Variants in NUDT4 observed in about 807,000 individuals in gnomAD.
NUDT4 encodes diphosphoinositol polyphosphate phosphohydrolase 2.
NUDT4 carries 5 observed loss-of-function variants against 23.1 expected under a neutral mutation model. The ratio of observed to expected loss-of-function variants is 0.22; its 90% CI spans 0.11 to 0.46. The LOEUF (loss-of-function observed/expected upper bound fraction) is 0.46, where lower values mean the gene tolerates loss of function less well. NUDT4 is among the 20% of genes least tolerant of loss of function. The pLI is 0.99. For synonymous variants in NUDT4, 50 were observed against 79.0 expected (o/e 0.63, Z 1.95); for missense variants, 96 against 211.6 (o/e 0.45, Z 3.39).
intron 1 of NUDT4, among the ~76,000 whole-genome samples, chr12:93,384,644 T>C (rs557990327): frequency 1.3e-5 from 2 of 152,362 alleles, no homozygotes; most frequent in African/African-American, 4.8e-5. Context: ...CAAAACCATC[T>C]TGGACTGCAT....
Position 93,405,881 on chromosome 12 carries a change from T to G in NUDT4, c.*6502T>G, listed in dbSNP as rs1441309308. The G allele has an allele frequency of 1.3e-5, 2 of 152,178 alleles. No homozygotes were observed. Among genetic ancestry groups the G allele is most frequent in the Non-Finnish European group, 2.9e-5 (2 of 68,014 alleles). The allele number at this position is 152,178 out of a possible 1,614,324, so 9.4% of individuals were successfully genotyped here. ...AATGAAATATTACATTTTTCTTAAA[T>G]AAAGCAATAAATTAGGTACCCTATT... On this transcript the variant is annotated 3_prime_UTR_variant, in exon 5 of 5. Coordinates refer to ENST00000415493, the MANE Select transcript of NUDT4 (RefSeq NM_019094.6).
At position 93,403,647 on chromosome 12, in the gene NUDT4, T is replaced by A. The variant is rs1405885909; in HGVS notation, c.*4268T>A. On this transcript the variant is annotated 3_prime_UTR_variant, in exon 5 of 5. Coordinates refer to ENST00000415493, the MANE Select transcript of NUDT4 (RefSeq NM_019094.6). The stretch of plus-strand genomic sequence containing the variant: ...CTTGGTGTTTTTACATCCTTCAGTA[T>A]TTTTCAAGGTTTTACAGCTTTTTTA... 6.6e-6 allele frequency: 1 copy of A among 152,154 alleles called. No individual in the cohort carries two copies. Among genetic ancestry groups the A allele is most frequent in the African/African-American group, 2.4e-5 (1 of 41,432 alleles). 9.4% of individuals were successfully genotyped at this position (152,154 alleles called of 1,614,324 possible). A position where few individuals can be genotyped will look rare whatever the true frequency, so the allele number is the denominator to read the frequency against.
Position 93,394,637 on chromosome 12 carries a change from C to T in NUDT4, c.128C>T (p.Pro43Leu). The T allele has an allele frequency of 6.4e-7, 1 of 1,554,474 alleles. No individual in the cohort carries two copies. ...EVLLVSSSRY[P>L]DQWIVPGGGM... The stretch of plus-strand genomic sequence containing the variant: ...CTGCTGGTGAGTAGCAGCCGGTACC[C>T]AGACCAGTGGATTGTCCCAGGAGGA... Residue 43 changes from proline (P) to leucine (L), a missense_variant, in exon 2 of 5, where the codon CCA (proline) becomes CTA (leucine). Pro to Leu is a moderately conservative substitution (Grantham distance 98, BLOSUM62 -3). Coordinates refer to ENST00000415493, the MANE Select transcript of NUDT4 (RefSeq NM_019094.6).
At chr12:93,395,644 G>A in intron 3 of NUDT4, 111 bp downstream of exon 3, 1 of 835,452 alleles carries the variant, frequency 1.2e-6, no homozygotes, top group Non-Finnish European at 2.0e-6. Context: ...CAGACTAGCA[G>A]TAGGCAGTCA....
At chr12:93,392,243 T>TC (rs377016882) in intron 1 of NUDT4, among the ~76,000 whole-genome samples, 9,260 of 118,258 alleles carry the variant, frequency 0.078, 555 homozygotes, top group East Asian at 0.17. Flanking sequence ...TTCCTTTGTT[T>TC]CCCCCCCCCC....
At chr12:93,381,604 T>A (rs1875665279) in intron 1 of NUDT4, among the ~76,000 whole-genome samples, 1 of 152,140 alleles carries the variant, frequency 6.6e-6, no homozygotes, top group Non-Finnish European at 1.5e-5. Context: ...TCAGATCCAA[T>A]GTGAGTCATT....
intron 4 of NUDT4, 31 bp from the exon 5 acceptor site, chr12:93,399,146 G>A (rs758343713): frequency 1.4e-5 from 22 of 1,538,098 alleles, no homozygotes; most frequent in Middle Eastern, 3.4e-4. Context: ...AAAATGGACT[G>A]TCTTGTAACC....
intron 1 of NUDT4, among the ~76,000 whole-genome samples, chr12:93,391,490 G>A (rs1481626709): frequency 6.6e-6 from 1 of 151,902 alleles, no homozygotes; most frequent in South Asian, 2.1e-4. Context: ...ACTTGAACCC[G>A]GGAGGCAGAG....
At chr12:93,391,367 T>A (rs1876486715) in intron 1 of NUDT4, among the ~76,000 whole-genome samples, 1 of 151,478 alleles carries the variant, frequency 6.6e-6, no homozygotes, top group Non-Finnish European at 1.5e-5. Flanking sequence ...GAGTTTGAGA[T>A]CAGTCTGGCC....
intron 1 of NUDT4, among the ~76,000 whole-genome samples, chr12:93,381,914 G>A (rs1875687045): frequency 6.6e-6 from 1 of 152,182 alleles, no homozygotes; most frequent in Admixed American, 6.5e-5. Flanking sequence ...GATCCTGTGT[G>A]AAATCCAGAC....
At chr12:93,380,397 A>G (rs1875573304) in intron 1 of NUDT4, among the ~76,000 whole-genome samples, 1 of 152,244 alleles carries the variant, frequency 6.6e-6, no homozygotes, top group African/African-American at 2.4e-5. Context: ...TATTATTTCT[A>G]CTGAAATAAA....
rs1046054350 is a variant in NUDT4, at chr12:93,406,273, G to A, written c.*6894G>A. The A allele has an allele frequency of 9.5e-5, 3 of 31,474 alleles. No individual in the cohort carries two copies. The highest frequency in any genetic ancestry group is 6.5e-4 in the Admixed American group (1 of 1,542). The allele number at this position is 31,474 out of a possible 1,614,324, so 1.9% of individuals were successfully genotyped here. A position where few individuals can be genotyped will look rare whatever the true frequency, so the allele number is the denominator to read the frequency against. ...ACAGAGCTAGAAAGTGGCTAGAGCA[G>A]CCAAAAAAAAAAAAAAAAAAAAAAA... On this transcript the variant is annotated 3_prime_UTR_variant, in exon 5 of 5. Transcript: ENST00000415493.
At chr12:93,380,494 G>T (rs538635958) in intron 1 of NUDT4, among the ~76,000 whole-genome samples, 14 of 152,300 alleles carry the variant, frequency 9.2e-5, no homozygotes, top group Admixed American at 9.2e-4. Flanking sequence ...GAATGTATTA[G>T]AAAAATCCAT....
At position 93,404,170 on chromosome 12, in the gene NUDT4, T is replaced by G. The variant is rs1414221445; in HGVS notation, c.*4791T>G. The G allele has an allele frequency of 1.3e-5, 2 of 152,186 alleles. No individual in the cohort carries two copies. The highest frequency in any genetic ancestry group is 4.8e-5 in the African/African-American group (2 of 41,434). The allele number at this position is 152,186 out of a possible 1,614,324, so 9.4% of individuals were successfully genotyped here. On this transcript the variant is annotated 3_prime_UTR_variant, in exon 5 of 5. Transcript: ENST00000415493. ...ATTTGGCCATCATTATTTATCAACC[T>G]TAAGAAACATGCCTATTGACGAAGT... is the stretch of plus-strand genomic sequence containing the variant.
rs1053657147 is a variant in NUDT4 at position 93,382,708 on chromosome 12, G to A, written c.99+4287G>A. 2.5e-4 allele frequency among the ~76,000 whole-genome samples: 27 copies of A among 108,492 alleles called. No individual in the cohort carries two copies. The South Asian group carries it at 5.4e-3, about 22-fold the overall frequency. 71.2% of individuals were successfully genotyped at this position (108,492 alleles called of 152,430 possible). A position where few individuals can be genotyped will look rare whatever the true frequency, so the allele number is the denominator to read the frequency against. On this transcript the variant is annotated intron_variant, in intron 1 of 4. Transcript: ENST00000415493. ...TTTTTTTTTTTTGAGACAGAGTCTC[G>A]CTCTGTCCTCCAGGCTGGAGTGCAG...
At chr12:93,394,234 C>T (rs185807127) in intron 1 of NUDT4, among the ~76,000 whole-genome samples, 3 of 152,302 alleles carry the variant, frequency 2.0e-5, no homozygotes, top group Non-Finnish European at 4.4e-5. Context: ...GATCTCCTGA[C>T]CTCTTGATCC....
Position 93,401,922 on chromosome 12 carries a change from ATTTTTT to A in NUDT4, c.*2556_*2561del, listed in dbSNP as rs746372735. 1.1e-5 allele frequency: 1 copy of A among 92,734 alleles called. No individual in the cohort carries two copies. Among genetic ancestry groups the A allele is most frequent in the African/African-American group, 3.7e-5 (1 of 27,114 alleles). 5.7% of individuals were successfully genotyped at this position (92,734 alleles called of 1,614,324 possible). On this transcript the variant is annotated 3_prime_UTR_variant, in exon 5 of 5. Coordinates refer to ENST00000415493, the MANE Select transcript of NUDT4 (RefSeq NM_019094.6). Reference sequence around the variant, plus strand: ...CAGAGTGTTGGGACTGTCATTTGTGATTTTTTTTTTTTTTTTTTGGTGGGGTAGTTG... The same window carrying A: ...CAGAGTGTTGGGACTGTCATTTGTGATTTTTTTTTTTTGGTGGGGTAGTTG...
intron 1 of NUDT4, among the ~76,000 whole-genome samples, chr12:93,386,751 A>G (rs776721762): frequency 7.2e-5 from 11 of 152,272 alleles, no homozygotes; most frequent in Middle Eastern, 3.4e-3. Flanking sequence ...ACTATACTAG[A>G]TATTTTCATC....
chr12:93,380,659 T>G (rs911685329), intron 1 of NUDT4, among the ~76,000 whole-genome samples: 1 of 152,238 alleles, frequency 6.6e-6, no homozygotes, highest in Non-Finnish European at 1.5e-5. Flanking sequence ...TTCAGAATTT[T>G]CATTTCTGTG....
Sources: allele counts gnomAD v4.1 joint callset (sites outside exome capture counted in the v4.1 genomes callset), GRCh38; gene constraint gnomAD v4.1.1; transcripts MANE v1.5; gene names NCBI Gene and HGNC (gene_info 2026-07-23, HGNC 2026-07-21).